Variants in HIP1R observed in about 807,000 individuals in gnomAD.
HIP1R encodes huntingtin-interacting protein 1-related protein.
A neutral mutation model predicts 144.2 loss-of-function variants in HIP1R; 135 were observed. That is an observed-to-expected ratio of 0.94 (90% CI 0.81 to 1.08). The LOEUF (loss-of-function observed/expected upper bound fraction) is 1.08. HIP1R is among the 50% of genes least tolerant of loss of function. The probability of loss-of-function intolerance (pLI) is 0.00; values close to 1 mark genes in which losing one functional copy is unlikely to be tolerated. For synonymous variants in HIP1R, 698 were observed against 612.8 expected (o/e 1.14, Z -2.05); for missense variants, 1,462 against 1,432.8 (o/e 1.02, Z -0.33).
At chr12:122,835,079 G>A, upstream of HIP1R, 1 of 1,095,074 alleles carries the variant, frequency 9.1e-7, no homozygotes, top group South Asian at 1.3e-5. Flanking sequence ...GGAGGGAGGG[G>A]TTCCCCCTCC....
chr12:122,841,451 G>A (rs141624743), intron 1 of HIP1R, among the ~76,000 whole-genome samples: 77 of 152,340 alleles, frequency 5.1e-4, no homozygotes, highest in Admixed American at 1.0e-3. Context: ...GGGCCGCGTC[G>A]TAAGTGGCTG....
chr12:122,849,507 G>A (rs1390409016), intron 4 of HIP1R, among the ~76,000 whole-genome samples: 1 of 152,282 alleles, frequency 6.6e-6, no homozygotes, highest in East Asian at 1.9e-4. Flanking sequence ...ACCTGCAGAT[G>A]CAGGCCCAGC....
chr12:122,859,026 G>GCT (rs1555263642), intron 21 of HIP1R, 35 bp from the exon 22 acceptor site: 18 of 1,460,112 alleles, frequency 1.2e-5, no homozygotes, highest in African/African-American at 8.4e-5. Context: ...CCTGTCGGTG[G>GCT]GGGGGGCTCC....
At chr12:122,861,579 A>C in intron 31 of HIP1R, 65 bp downstream of exon 31, 1 of 1,569,002 alleles carries the variant, frequency 6.4e-7, no homozygotes, top group South Asian at 1.2e-5. Context: ...CTAGAGGGGC[A>C]CATGGTGCAC....
intron 8 of HIP1R, 109 bp from the exon 9 acceptor site, chr12:122,854,796 C>A: frequency 8.3e-7 from 1 of 1,197,912 alleles, no homozygotes; most frequent in Non-Finnish European, 1.2e-6. Flanking sequence ...GGCCCGGTCT[C>A]AGGTGATCTC....
chr12:122,837,078 G>C (rs1157423550), intron 1 of HIP1R, among the ~76,000 whole-genome samples: 3 of 152,130 alleles, frequency 2.0e-5, no homozygotes, highest in Admixed American at 6.6e-5. Flanking sequence ...AACCTGAATT[G>C]GCAGACATAT....
At chr12:122,852,804 A>T (rs190440107) in intron 7 of HIP1R, among the ~76,000 whole-genome samples, 47 of 152,286 alleles carry the variant, frequency 3.1e-4, no homozygotes, top group Admixed American at 5.9e-4. Context: ...GTGTGAAATC[A>T]AGCAGATTGC....
rs1056851185 is a variant in HIP1R at position 122,840,090 on chromosome 12, A to G, written c.93+4447A>G. ...GCTCGGTTCCACCCCATCAGCCCAC[A>G]TGGTGATGCCCTCGTGGTGATGCCC... On this transcript the variant is annotated intron_variant, in intron 1 of 31. Coordinates refer to ENST00000253083, the MANE Select transcript of HIP1R (RefSeq NM_003959.3). This position sits in a 1 kb window ranked among gnomAD's most constrained non-coding sequence, Gnocchi z 4.2. Among the ~76,000 whole-genome samples, 3 of 152,182 alleles carry G rather than the reference A, an allele frequency of 2.0e-5. No homozygotes were observed. Among genetic ancestry groups the G allele is most frequent in the East Asian group, 3.8e-4 (2 of 5,202 alleles).
intron 1 of HIP1R, among the ~76,000 whole-genome samples, chr12:122,838,037 G>T (rs959625902): frequency 1.3e-5 from 2 of 151,972 alleles, no homozygotes; most frequent in African/African-American, 4.8e-5. Flanking sequence ...GGAGCACTAG[G>T]CTGGCTTAGA....
intron 17 of HIP1R, 21 bp from the exon 18 acceptor site, chr12:122,857,000 G>T: frequency 6.5e-7 from 1 of 1,546,602 alleles, no homozygotes; most frequent in Non-Finnish European, 8.7e-7. Flanking sequence ...TCACATGCCT[G>T]GTGTCCATGT....
chr12:122,849,786 G>A (rs559279413), intron 4 of HIP1R, 89 bp from the exon 5 acceptor site: 108 of 830,918 alleles, frequency 1.3e-4, no homozygotes, highest in Middle Eastern at 1.3e-3. Flanking sequence ...AGAAGTGCCC[G>A]GTGGTGGGTC....
intron 7 of HIP1R, 100 bp from the exon 8 acceptor site, chr12:122,853,943 G>A (rs2033476123): frequency 2.9e-6 from 4 of 1,388,356 alleles, no homozygotes; most frequent in Non-Finnish European, 3.9e-6. Flanking sequence ...ACACTGGTGT[G>A]TGGGAGCTGG....
At chr12:122,848,387 G>A (rs991392830) in intron 2 of HIP1R, 79 bp from the exon 3 acceptor site, 31 of 1,518,496 alleles carry the variant, frequency 2.0e-5, no homozygotes, top group East Asian at 4.5e-5. Flanking sequence ...CTCTTCCGGC[G>A]GCCCTGGCCT....
chr12:122,848,902 C>T (rs375151033), intron 4 of HIP1R, 50 bp downstream of exon 4: 21 of 1,584,686 alleles, frequency 1.3e-5, no homozygotes, highest in East Asian at 2.2e-5. Flanking sequence ...CTTTCCTGAG[C>T]GTGTGGGGCT....
At chr12:122,847,775 C>T (rs1275316317) in intron 1 of HIP1R, among the ~76,000 whole-genome samples, 1 of 152,158 alleles carries the variant, frequency 6.6e-6, no homozygotes, top group Non-Finnish European at 1.5e-5. Flanking sequence ...GATGGCCTCC[C>T]GGAGCCATAG....
intron 1 of HIP1R, among the ~76,000 whole-genome samples, chr12:122,835,904 A>G (rs2032877988): frequency 6.7e-6 from 1 of 149,962 alleles, no homozygotes; most frequent in South Asian, 2.1e-4. Flanking sequence ...TCGGGCCCAG[A>G]GGCGCCGGGG....
Position 122,835,458 on chromosome 12 carries a change from CG to C in HIP1R, c.-91del. The C allele has an allele frequency of 2.6e-6, 3 of 1,156,090 alleles. No homozygotes were observed. Among genetic ancestry groups the C allele is most frequent in the Non-Finnish European group, 3.2e-6 (3 of 939,276 alleles). The allele number at this position is 1,156,090 out of a possible 1,614,324, so 71.6% of individuals were successfully genotyped here. On this transcript the variant is annotated 5_prime_UTR_variant, in exon 1 of 32. Coordinates refer to ENST00000253083, the MANE Select transcript of HIP1R (RefSeq NM_003959.3). ...CCGGCGGGCGGGCCCGGGCGCGGCG[CG>C]GTGGCCTCGCGGTGCCTAGGCTGGG...
At chr12:122,852,616 G>A (rs566619433) in intron 7 of HIP1R, among the ~76,000 whole-genome samples, 1 of 152,344 alleles carries the variant, frequency 6.6e-6, no homozygotes, top group East Asian at 1.9e-4. Context: ...CTGCAGAGGT[G>A]ACAGGTACAG....
At chr12:122,850,240 C>A (rs2033335233) in intron 5 of HIP1R, 4 of 582,938 alleles carry the variant, frequency 6.9e-6, no homozygotes, top group Non-Finnish European at 1.3e-5. Flanking sequence ...TGGCCGGGTG[C>A]TCCCCTCCTC....
Sources: gnomAD v4.1 joint callset for allele counts (sites outside exome capture counted in the v4.1 genomes callset) on GRCh38, gnomAD v4.1.1 for gene constraint, Gnocchi (gnomAD v3.1) non-coding constraint, MANE v1.5 for transcripts, NCBI Gene and HGNC (gene_info 2026-07-23, HGNC 2026-07-21) for gene names.